Variants in KLHL4 observed in about 807,000 individuals in gnomAD.
The protein encoded by KLHL4 is kelch like family member 4.
KLHL4 carries 17 observed loss-of-function variants against 45.8 expected under a neutral mutation model. The ratio of observed to expected loss-of-function variants is 0.37; its 90% CI spans 0.25 to 0.56. The LOEUF (loss-of-function observed/expected upper bound fraction) is 0.56. Ranked by LOEUF, KLHL4 falls within the 20% of genes least tolerant of loss-of-function variation. The pLI, the probability that KLHL4 is intolerant of heterozygous loss-of-function variation, is 0.79. For synonymous variants in KLHL4, 224 were observed against 189.9 expected (o/e 1.18, Z -1.47); for missense variants, 544 against 544.9 (o/e 1.00, Z 0.02).
intron 1 of KLHL4, among the ~76,000 whole-genome samples, chrX:87,586,491 A>C (rs1211593206): frequency 9.0e-6 from 1 of 111,397 alleles, no homozygotes; most frequent in Non-Finnish European, 1.9e-5. Flanking sequence ...CAACTATAGA[A>C]ATACATGGGA....
chrX:87,629,069 A>G (rs965862913), intron 6 of KLHL4, among the ~76,000 whole-genome samples: 2 of 111,952 alleles, frequency 1.8e-5, no homozygotes, highest in Non-Finnish European at 3.8e-5. Flanking sequence ...GAACATTTGT[A>G]AAGTAAATGG....
chrX:87,524,676 A>C (rs926604206), intron 1 of KLHL4, among the ~76,000 whole-genome samples: 1 of 112,029 alleles, frequency 8.9e-6, no homozygotes, highest in East Asian at 2.8e-4. Context: ...GATGTGTTAC[A>C]GAAAAGGGAC....
At position 87,606,017 on chromosome X, in the gene KLHL4, C is replaced by T. The variant is rs190464584; in HGVS notation, c.423-7860C>T. Among the ~76,000 whole-genome samples, 31 of 110,771 alleles carry T rather than the reference C, an allele frequency of 2.8e-4. No individual in the cohort carries two copies. In the East Asian group the frequency reaches 6.8e-3, roughly 24 times the overall value. On this transcript the variant is annotated intron_variant, in intron 1 of 10. Coordinates refer to ENST00000373119, the MANE Select transcript of KLHL4 (RefSeq NM_019117.5). ...TATGGTCTTGTTTGTTTTCTTAATG[C>T]GGTGTATCAAATATATTAATTTGCA... is the stretch of plus-strand genomic sequence containing the variant.
At chrX:87,586,419 T>C (rs183658932) in intron 1 of KLHL4, among the ~76,000 whole-genome samples, 1 of 111,209 alleles carries the variant, frequency 9.0e-6, no homozygotes, top group East Asian at 2.8e-4. Context: ...TGAAATAATA[T>C]CAAGGATCAC....
Position 87,666,570 on chromosome X carries a change from T to C in KLHL4, c.*36T>C. The C allele has an allele frequency of 1.7e-6, 2 of 1,149,434 alleles. No individual in the cohort carries two copies. The highest frequency in any genetic ancestry group is 1.2e-6 in the Non-Finnish European group (1 of 863,476). 94.7% of individuals were successfully genotyped at this position (1,149,434 alleles called of 1,213,427 possible). ...CTTTATCAAATGGAATGAAACTAGATAATTTCAAGAAACTGAGTAGGACAA... is the reference window on the plus strand; with the variant it reads ...CTTTATCAAATGGAATGAAACTAGACAATTTCAAGAAACTGAGTAGGACAA... On this transcript the variant is annotated 3_prime_UTR_variant, in exon 11 of 11. Coordinates refer to ENST00000373119, the MANE Select transcript of KLHL4 (RefSeq NM_019117.5).
rs902964560 is a variant in KLHL4, at chrX:87,603,627, T to C, written c.423-10250T>C. On this transcript the variant is annotated intron_variant, in intron 1 of 10. Transcript: ENST00000373119. ...GTACAATTTGATGTTTAAATACATA[T>C]ATGTTATATAATGATCAAATCATGA... 4.5e-5 allele frequency among the ~76,000 whole-genome samples: 5 copies of C among 111,319 alleles called. No individual in the cohort carries two copies. In the Admixed American group the frequency reaches 4.8e-4, roughly 11 times the overall value.
At chrX:87,518,957 T>A (rs1176964451) in intron 1 of KLHL4, among the ~76,000 whole-genome samples, 2 of 112,161 alleles carry the variant, frequency 1.8e-5, no homozygotes, top group Non-Finnish European at 3.8e-5. Flanking sequence ...GCATTTCAGC[T>A]TTTACATAAA....
At chrX:87,658,815 T>A (rs1924080696) in intron 9 of KLHL4, among the ~76,000 whole-genome samples, 1 of 111,362 alleles carries the variant, frequency 9.0e-6, no homozygotes, top group African/African-American at 3.3e-5. Context: ...TAAAAAAAAA[T>A]GCCTCTGTCT....
At chrX:87,602,139 CA>C (rs1267495349) in intron 1 of KLHL4, among the ~76,000 whole-genome samples, 2 of 110,333 alleles carry the variant, frequency 1.8e-5, no homozygotes, top group Admixed American at 9.6e-5. Context: ...TGTTTTGAGT[CA>C]AAAAATTAAA....
At chrX:87,584,857 CAAAA>C (rs35181676) in intron 1 of KLHL4, among the ~76,000 whole-genome samples, 1 of 76,773 alleles carries the variant, frequency 1.3e-5, no homozygotes. Context: ...TATCCGTATC[CAAAA>C]AAAAAAAAAA....
At position 87,604,905 on chromosome X, in the gene KLHL4, T is replaced by C. The variant is rs972295653; in HGVS notation, c.423-8972T>C. Among the ~76,000 whole-genome samples the C allele has an allele frequency of 2.7e-5, 3 of 111,334 alleles. No individual in the cohort carries two copies. In the Admixed American group the frequency reaches 2.9e-4, roughly 11 times the overall value. ...CTAGTATTTTAATACTTTTGAGTGT[T>C]ATATGCATGTTTTTAATCTATTTTG... On this transcript the variant is annotated intron_variant, in intron 1 of 10. Transcript: ENST00000373119.
At chrX:87,617,848 AAAT>A (rs1922609796) in intron 3 of KLHL4, 81 bp from the exon 4 acceptor site, 1 of 821,915 alleles carries the variant, frequency 1.2e-6, no homozygotes. Context: ...CTAGAGAGGA[AAAT>A]AAAAAAAAAA....
At chrX:87,594,999 T>C (rs1269172565) in intron 1 of KLHL4, among the ~76,000 whole-genome samples, 1 of 106,655 alleles carries the variant, frequency 9.4e-6, no homozygotes, top group Non-Finnish European at 1.9e-5. Context: ...TCACTCATTT[T>C]TCCTCCTCTA....
chrX:87,596,828 G>C (rs1263033465), intron 1 of KLHL4, among the ~76,000 whole-genome samples: 2 of 112,237 alleles, frequency 1.8e-5, no homozygotes, highest in East Asian at 5.6e-4. Context: ...CAAATTCTGG[G>C]ATATCGCAAA....
rs2147846418 is a variant in KLHL4 at position 87,667,264 on chromosome X, C to T, written c.*730C>T. 1 of 719,090 alleles carries T rather than the reference C, an allele frequency of 1.4e-6. No homozygotes were observed. The highest frequency in any genetic ancestry group is 1.6e-6 in the Non-Finnish European group (1 of 607,482). The allele number at this position is 719,090 out of a possible 1,213,427, so 59.3% of individuals were successfully genotyped here. A position where few individuals can be genotyped will look rare whatever the true frequency, so the allele number is the denominator to read the frequency against. On this transcript the variant is annotated 3_prime_UTR_variant, in exon 11 of 11. Transcript: ENST00000373119. ...TGTAATTTCATATACACAGTCTATA[C>T]AATGAAATAATGAATATTTATCATA...
intron 1 of KLHL4, among the ~76,000 whole-genome samples, chrX:87,530,823 C>A (rs1931252756): frequency 1.9e-5 from 2 of 106,609 alleles, no homozygotes; most frequent in South Asian, 8.8e-4. Context: ...ATTTCCAGTT[C>A]TAGATCCCTG....
intron 1 of KLHL4, among the ~76,000 whole-genome samples, chrX:87,597,473 G>A (rs1921872937): frequency 9.0e-6 from 1 of 110,998 alleles, no homozygotes; most frequent in Non-Finnish European, 1.9e-5. Context: ...AAGGTCCCAC[G>A]ACATACAGGT....
intron 1 of KLHL4, among the ~76,000 whole-genome samples, chrX:87,559,383 T>C (rs1165953667): frequency 5.4e-5 from 6 of 111,577 alleles, no homozygotes; most frequent in African/African-American, 1.6e-4. Flanking sequence ...TCCTGTTACG[T>C]TGACAGCCTT....
At chrX:87,626,825 T>C (rs1922946197) in intron 6 of KLHL4, among the ~76,000 whole-genome samples, 1 of 111,365 alleles carries the variant, frequency 9.0e-6, no homozygotes, top group East Asian at 2.8e-4. Context: ...TGGCAAAAGG[T>C]CTGGCTGCTG....
Sources: gnomAD v4.1 joint callset for allele counts (sites outside exome capture counted in the v4.1 genomes callset) on GRCh38, gnomAD v4.1.1 for gene constraint, MANE v1.5 for transcripts, NCBI Gene and HGNC (gene_info 2026-07-23, HGNC 2026-07-21) for gene names.